ERC1: variants seen among roughly 807,000 people sequenced by gnomAD.
ERC1 encodes RAB6 interacting protein 2.
Under a neutral mutation model 132.0 loss-of-function variants are expected in ERC1, and 56 were observed. The observed-to-expected ratio is 0.42, with a 90% CI of 0.34 to 0.53. The LOEUF is 0.53. Ranked by LOEUF, ERC1 falls within the 20% of genes least tolerant of loss-of-function variation. ERC1 has a pLI of 0.03. For missense variants in ERC1, 1,202 were observed against 1,349.9 expected, an observed-to-expected ratio of 0.89 and a Z score of 1.72; for synonymous variants, 478 against 476.1, an observed-to-expected ratio of 1.00 and a Z score of -0.05.
At chr12:1,296,812 A>G (rs2079988224) in intron 15 of ERC1, among the ~76,000 whole-genome samples, 1 of 152,216 alleles carries the variant, frequency 6.6e-6, no homozygotes, top group African/African-American at 2.4e-5. Flanking sequence ...AAGGATTTTT[A>G]CCGAATGAAC....
chr12:1,096,515 A>T (rs904452446), intron 3 of ERC1, among the ~76,000 whole-genome samples: 11 of 152,326 alleles, frequency 7.2e-5, no homozygotes, highest in African/African-American at 2.6e-4. Context: ...ATACTGTTAA[A>T]TATCTACCGT....
At position 1,304,234 on chromosome 12, in the gene ERC1, A is replaced by G. The variant is rs528187442; in HGVS notation, c.2780+14222A>G. The stretch of plus-strand genomic sequence containing the variant: ...GTCAAGATTTTAAAACTATCCACTG[A>G]CCAGATGTACTGGCATTGAACTGTT... On this transcript the variant is annotated intron_variant, in intron 15 of 18. Coordinates refer to ENST00000360905, the MANE Select transcript of ERC1 (RefSeq NM_178040.4). Among the ~76,000 whole-genome samples the G allele has an allele frequency of 2.6e-5, 4 of 152,330 alleles. No homozygotes were observed. In the East Asian group the frequency reaches 5.8e-4, roughly 22 times the overall value.
rs375099965 is a variant in ERC1, at chr12:1,376,920, C to T, written c.2925+4943C>T. The stretch of plus-strand genomic sequence containing the variant: ...AGGCTGAGCATCACCTTTCGGTACA[C>T]GCGGTCTTTCTCCCGTCATCCCAGC... On this transcript the variant is annotated intron_variant, in intron 16 of 18. Coordinates refer to ENST00000360905, the MANE Select transcript of ERC1 (RefSeq NM_178040.4). 6.6e-5 allele frequency among the ~76,000 whole-genome samples: 10 copies of T among 152,168 alleles called. No homozygotes were observed. In the East Asian group the frequency reaches 9.6e-4, roughly 15 times the overall value.
intron 15 of ERC1, among the ~76,000 whole-genome samples, chr12:1,352,117 C>T (rs1194879265): frequency 6.6e-6 from 1 of 152,126 alleles, no homozygotes; most frequent in African/African-American, 2.4e-5. Context: ...CTTCTTATTG[C>T]CTCAAGGACT....
Position 1,495,709 on chromosome 12 carries a change from G to A in ERC1, c.*5479G>A. 1 of 224,698 alleles carries A rather than the reference G, an allele frequency of 4.5e-6. No individual in the cohort carries two copies. Among genetic ancestry groups the A allele is most frequent in the Non-Finnish European group, 8.9e-6 (1 of 112,614 alleles). 13.9% of individuals were successfully genotyped at this position (224,698 alleles called of 1,614,324 possible). On this transcript the variant is annotated 3_prime_UTR_variant, in exon 19 of 19. Transcript: ENST00000360905. ...GTAGCTTGAGTTCCTTTTGGTAACA[G>A]TAGCAGCCTCCATGGTGGTGTCTGG...
intron 18 of ERC1, among the ~76,000 whole-genome samples, chr12:1,480,295 G>A (rs571405482): frequency 7.2e-5 from 11 of 152,076 alleles, no homozygotes; most frequent in African/African-American, 2.4e-4. Flanking sequence ...AGTGTTTTTC[G>A]ATGTTTTGTT....
At chr12:1,434,918 T>C (rs2092908798) in intron 17 of ERC1, among the ~76,000 whole-genome samples, 1 of 152,212 alleles carries the variant, frequency 6.6e-6, no homozygotes, top group African/African-American at 2.4e-5. Context: ...CGTCAGAGTT[T>C]GTGTTGTGCT....
intron 7 of ERC1, among the ~76,000 whole-genome samples, chr12:1,116,973 T>A (rs1038204825): frequency 1.3e-5 from 2 of 152,234 alleles, no homozygotes; most frequent in African/African-American, 4.8e-5. Context: ...TGACTTCAGA[T>A]AGATATTTAG....
rs373614890 is a variant in ERC1, at chr12:1,028,149, A to G, written c.246A>G (p.Ser82=). The G allele has an allele frequency of 5.0e-5, 80 of 1,614,220 alleles. No individual in the cohort carries two copies. The African/African-American group carries it at 8.8e-4, about 18-fold the overall frequency. ...TAAGTGACCATGAAAATGTGGGTTC[A>G]GAAACACCTAAAAGCACCATGACAC... is the stretch of plus-strand genomic sequence containing the variant. ...MYLSDHENVG[S]ETPKSTMTLG... Residue 82 remains serine, a synonymous_variant, in exon 2 of 19, where the codon TCA becomes TCG. Transcript: ENST00000360905.
At chr12:994,241 A>C (rs1409728262) in intron 1 of ERC1, among the ~76,000 whole-genome samples, 1 of 152,226 alleles carries the variant, frequency 6.6e-6, no homozygotes, top group Non-Finnish European at 1.5e-5. Context: ...TGGTTTAAGA[A>C]TCAGTAGTAC....
At chr12:1,263,968 G>T (rs982457322) in intron 14 of ERC1, among the ~76,000 whole-genome samples, 1 of 151,810 alleles carries the variant, frequency 6.6e-6, no homozygotes, top group Non-Finnish European at 1.5e-5. Flanking sequence ...GGGATTACAG[G>T]CGTGAGCCAC....
intron 15 of ERC1, among the ~76,000 whole-genome samples, chr12:1,358,813 G>A (rs1165988182): frequency 6.6e-6 from 1 of 152,146 alleles, no homozygotes; most frequent in East Asian, 1.9e-4. Context: ...TTGGAGGAGG[G>A]GAAGCTGAGC....
intron 8 of ERC1, among the ~76,000 whole-genome samples, chr12:1,158,007 T>C (rs1366523607): frequency 1.3e-5 from 2 of 152,200 alleles, no homozygotes; most frequent in African/African-American, 4.8e-5. Flanking sequence ...AGTGGACATA[T>C]AGCAAAATTA....
intron 1 of ERC1, among the ~76,000 whole-genome samples, chr12:1,012,607 G>C (rs1964879276): frequency 6.6e-6 from 1 of 151,702 alleles, no homozygotes; most frequent in African/African-American, 2.4e-5. Context: ...CAAGTAGCTG[G>C]GACTACAGGC....
At chr12:1,326,891 T>G (rs917040126) in intron 15 of ERC1, among the ~76,000 whole-genome samples, 22 of 138,772 alleles carry the variant, frequency 1.6e-4, no homozygotes, top group East Asian at 1.2e-3. Context: ...AGTTTGTGGG[T>G]TTTTTTTTTA....
chr12:1,297,467 C>T (rs993199005), intron 15 of ERC1, among the ~76,000 whole-genome samples: 3 of 144,426 alleles, frequency 2.1e-5, no homozygotes, highest in African/African-American at 5.2e-5. Context: ...TTTGAGAGGC[C>T]AAGGTGGGAG....
At chr12:1,228,488 G>A (rs1009465383) in intron 12 of ERC1, among the ~76,000 whole-genome samples, 8 of 152,128 alleles carry the variant, frequency 5.3e-5, no homozygotes, top group African/African-American at 1.9e-4. Context: ...TTTGCAAATA[G>A]AGACAGTTTA....
At chr12:1,374,936 C>T (rs1255371793) in intron 16 of ERC1, among the ~76,000 whole-genome samples, 2 of 149,482 alleles carry the variant, frequency 1.3e-5, no homozygotes, top group African/African-American at 4.9e-5. Flanking sequence ...TCATTTACAA[C>T]TACAATTTTG....
At chr12:1,451,073 C>T (rs1212025416) in intron 18 of ERC1, among the ~76,000 whole-genome samples, 2 of 152,146 alleles carry the variant, frequency 1.3e-5, no homozygotes, top group African/African-American at 2.4e-5. Flanking sequence ...ATCAGATATA[C>T]GATTTGCAAA....
Sources: gnomAD v4.1 joint callset for allele counts (sites outside exome capture counted in the v4.1 genomes callset) on GRCh38, gnomAD v4.1.1 for gene constraint, MANE v1.5 for transcripts, NCBI Gene and HGNC (gene_info 2026-07-23, HGNC 2026-07-21) for gene names.